Variants in PFN2 observed in about 807,000 individuals in gnomAD.
The protein encoded by PFN2 is profilin-2.
Under a neutral mutation model 15.3 loss-of-function variants are expected in PFN2, and 8 were observed. The observed-to-expected ratio is 0.52, with a 90% CI of 0.31 to 0.95. The LOEUF (loss-of-function observed/expected upper bound fraction) is 0.95, where lower values mean the gene tolerates loss of function less well. Among genes scored for constraint, PFN2 ranks in the 40% least tolerant of loss-of-function variants. The pLI, the probability that PFN2 is intolerant of heterozygous loss-of-function variation, is 0.05. For synonymous variants in PFN2, 79 were observed against 67.9 expected (o/e 1.16, Z -0.81); for missense variants, 111 against 182.3 (o/e 0.61, Z 2.25).
intron 2 of PFN2, 161 bp downstream of exon 2, chr3:149,968,192 TGTAGA>T: frequency 1.7e-6 from 1 of 605,892 alleles, no homozygotes; most frequent in South Asian, 2.3e-5. Context: ...TCATAGATGC[TGTAGA>T]GTAGGTAAAA....
At chr3:149,969,946 G>A (rs1722802259) in intron 1 of PFN2, among the ~76,000 whole-genome samples, 1 of 151,802 alleles carries the variant, frequency 6.6e-6, no homozygotes, top group South Asian at 2.1e-4. Flanking sequence ...CCCCCGAAAA[G>A]CACCCCTTTT....
intron 1 of PFN2, among the ~76,000 whole-genome samples, chr3:149,969,626 T>A (rs113012590): frequency 6.6e-6 from 1 of 152,210 alleles, no homozygotes; most frequent in Non-Finnish European, 1.5e-5. Flanking sequence ...GCACCCTTAA[T>A]AGGGGACCTG....
intron 2 of PFN2, among the ~76,000 whole-genome samples, chr3:149,967,327 T>C (rs548363312): frequency 6.6e-6 from 1 of 152,378 alleles, no homozygotes; most frequent in African/African-American, 2.4e-5. Context: ...GTTTTTTGTC[T>C]TGTGTTTGAC....
chr3:149,966,189 T>C lies in PFN2; in HGVS notation c.*300A>G. 2.5e-6 allele frequency: 4 copies of C among 1,613,740 alleles called. No individual in the cohort carries two copies. The highest frequency in any genetic ancestry group is 4.5e-5 in the East Asian group (2 of 44,882). ...TGCTTACACATCAGACCTCCTCAGG[T>C]ATAAAGCGAGTTCATATGCTTTCTT... On this transcript the variant is annotated 3_prime_UTR_variant, in exon 3 of 3. Transcript: ENST00000239940.
chr3:149,967,527 C>A (rs1722728508), intron 2 of PFN2, among the ~76,000 whole-genome samples: 2 of 152,220 alleles, frequency 1.3e-5, no homozygotes, highest in South Asian at 4.1e-4. Context: ...ACTCCCCTCA[C>A]ATGGTAGAGC....
Position 149,966,451 on chromosome 3 carries a change from A to G in PFN2, c.*38T>C, listed in dbSNP as rs749996478. ...AAGCTTATAGCTAGGAAAGTTTAAGAGCAATTTTCCCCTAATACTTAACAG... is the reference window on the plus strand; with the variant it reads ...AAGCTTATAGCTAGGAAAGTTTAAGGGCAATTTTCCCCTAATACTTAACAG... On this transcript the variant is annotated 3_prime_UTR_variant, in exon 3 of 3. Transcript: ENST00000239940. 1 of 1,604,968 alleles carries G rather than the reference A, an allele frequency of 6.2e-7. No homozygotes were observed. The highest frequency in any genetic ancestry group is 1.1e-5 in the South Asian group (1 of 88,966).
chr3:149,965,128 G>T lies in PFN2; in HGVS notation c.*1361C>A. ...AATACTAGAATGTCCCTAAAGTAGT[G>T]CCATTCGAAAGAAACCCTTAATAGG... On this transcript the variant is annotated 3_prime_UTR_variant, in exon 3 of 3. Coordinates refer to ENST00000239940, the MANE Select transcript of PFN2 (RefSeq NM_053024.4). 1.1e-6 allele frequency: 1 copy of T among 935,050 alleles called. No individual in the cohort carries two copies. Among genetic ancestry groups the T allele is most frequent in the Non-Finnish European group, 1.6e-6 (1 of 642,326 alleles). 57.9% of individuals were successfully genotyped at this position (935,050 alleles called of 1,614,324 possible).
chr3:149,967,276 C>A (rs2108629845), intron 2 of PFN2, among the ~76,000 whole-genome samples: 1 of 152,276 alleles, frequency 6.6e-6, no homozygotes, highest in East Asian at 1.9e-4. Flanking sequence ...ATATTCACTA[C>A]CACTAGATGT....
At chr3:149,968,157 C>A in intron 2 of PFN2, 1 of 466,982 alleles carries the variant, frequency 2.1e-6, no homozygotes, top group Non-Finnish European at 3.8e-6. Flanking sequence ...ATCGTAGAAA[C>A]AAAATCAGGA....
chr3:149,970,592 A>G, intron 1 of PFN2, 133 bp downstream of exon 1: 1 of 895,724 alleles, frequency 1.1e-6, no homozygotes, highest in Non-Finnish European at 1.5e-6. Flanking sequence ...CGGCAGCCGC[A>G]TCCTCGGCGC....
At chr3:149,968,137 C>A (rs1342319436) in intron 2 of PFN2, 2 of 450,362 alleles carry the variant, frequency 4.4e-6, no homozygotes, top group Non-Finnish European at 7.8e-6. Context: ...TGAGTTCATA[C>A]GAATATTCTA....
At position 149,966,241 on chromosome 3, in the gene PFN2, C is replaced by T; in HGVS notation, c.*248G>A. 1 of 1,613,636 alleles carries T rather than the reference C, an allele frequency of 6.2e-7. No homozygotes were observed. Among genetic ancestry groups the T allele is most frequent in the South Asian group, 1.1e-5 (1 of 91,068 alleles). ...TTAAGTGTGCCTCCGTGGACACCTT[C>T]CTTTCCCATGACTATAACCAATGCT... On this transcript the variant is annotated 3_prime_UTR_variant, in exon 3 of 3. Coordinates refer to ENST00000239940, the MANE Select transcript of PFN2 (RefSeq NM_053024.4).
At chr3:149,970,521 C>A (rs976814710) in intron 1 of PFN2, 2 of 395,180 alleles carry the variant, frequency 5.1e-6, no homozygotes, top group South Asian at 1.3e-4. Context: ...CCGCCGCCCC[C>A]AGCCTGTCAG....
chr3:149,968,280 T>C, intron 2 of PFN2, 78 bp downstream of exon 2: 1 of 1,355,618 alleles, frequency 7.4e-7, no homozygotes, highest in Non-Finnish European at 1.0e-6. Flanking sequence ...GACTAACTTT[T>C]ATTCAAAATG....
At position 149,965,257 on chromosome 3, in the gene PFN2, A is replaced by G. The variant is rs1462878050; in HGVS notation, c.*1232T>C. ...TCACAAGACAGCCAAGTCCACAATA[A>G]TGCAACTTCATATAAAAACTCAAGC... On this transcript the variant is annotated 3_prime_UTR_variant, in exon 3 of 3. Coordinates refer to ENST00000239940, the MANE Select transcript of PFN2 (RefSeq NM_053024.4). The G allele has an allele frequency of 6.5e-7, 1 of 1,535,380 alleles. No homozygotes were observed. Among genetic ancestry groups the G allele is most frequent in the East Asian group, 2.4e-5 (1 of 40,884 alleles).
rs1433832946 is a variant in PFN2, at chr3:149,965,289, TA to T, written c.*1199del. 2.0e-6 allele frequency: 3 copies of T among 1,534,924 alleles called. No homozygotes were observed. The highest frequency in any genetic ancestry group is 2.6e-6 in the Non-Finnish European group (3 of 1,146,406). On this transcript the variant is annotated 3_prime_UTR_variant, in exon 3 of 3. Transcript: ENST00000239940. Reference sequence around the variant, plus strand: ...TTCATATAAAAACTCAAGCTGCAAATAAAAATTGGTCCTATGAAGAACAAAC... The same window carrying T: ...TTCATATAAAAACTCAAGCTGCAAATAAAATTGGTCCTATGAAGAACAAAC...
chr3:149,969,509 C>T (rs928750591), intron 1 of PFN2, among the ~76,000 whole-genome samples: 1 of 152,150 alleles, frequency 6.6e-6, no homozygotes, highest in African/African-American at 2.4e-5. Context: ...CAATTCCCTA[C>T]AAGAATTGTA....
chr3:149,966,879 T>C (rs1223249914), intron 2 of PFN2, among the ~76,000 whole-genome samples: 1 of 152,190 alleles, frequency 6.6e-6, no homozygotes, highest in Non-Finnish European at 1.5e-5. Context: ...GTCTTCTATT[T>C]TAGGGCAAAA....
Position 149,966,406 on chromosome 3 carries a change from A to G in PFN2, c.*83T>C, listed in dbSNP as rs996191212. On this transcript the variant is annotated 3_prime_UTR_variant, in exon 3 of 3. Transcript: ENST00000239940. Reference sequence around the variant, plus strand: ...CCCCATCACCCTGCATTGCTAATAAAATTTCCAGAATTAAGACTTAAGCTT... The same window carrying G: ...CCCCATCACCCTGCATTGCTAATAAGATTTCCAGAATTAAGACTTAAGCTT... The G allele has an allele frequency of 6.3e-7, 1 of 1,592,878 alleles. No individual in the cohort carries two copies. Among genetic ancestry groups the G allele is most frequent in the East Asian group, 2.2e-5 (1 of 44,778 alleles).
Sources: allele counts gnomAD v4.1 joint callset (sites outside exome capture counted in the v4.1 genomes callset), GRCh38; gene constraint gnomAD v4.1.1; transcripts MANE v1.5; gene names NCBI Gene and HGNC (gene_info 2026-07-23, HGNC 2026-07-21).